Variants in UTP14A observed in about 807,000 individuals in gnomAD.
UTP14A encodes the protein UTP14A small subunit processome component.
A neutral mutation model predicts 57.2 loss-of-function variants in UTP14A; 5 were observed. That is an observed-to-expected ratio of 0.09 (90% confidence interval 0.05 to 0.18). The LOEUF is 0.18. Ranked by LOEUF, UTP14A falls within the 10% of genes least tolerant of loss-of-function variation. UTP14A has a pLI of 1.00. For synonymous variants in UTP14A, 169 were observed against 210.9 expected, an observed-to-expected ratio of 0.80 and a Z score of 1.72; for missense variants, 430 against 562.1, an observed-to-expected ratio of 0.76 and a Z score of 2.38.
At chrX:129,912,378 C>T (rs749951580) in intron 6 of UTP14A, among the ~76,000 whole-genome samples, 6 of 109,684 alleles carry the variant, frequency 5.5e-5, no homozygotes, top group South Asian at 7.8e-4. Context: ...ACCTCAGTCT[C>T]CCAAAAGTTT....
chrX:129,906,295 C>G (rs41311645), intron 1 of UTP14A, 59 bp downstream of exon 1: 235 of 1,113,624 alleles, frequency 2.1e-4, no homozygotes, highest in Middle Eastern at 2.0e-3. Flanking sequence ...GGTTCCCCAG[C>G]TTTTGGGAAA....
chrX:129,915,049 T>TA (rs1370208337), intron 6 of UTP14A, among the ~76,000 whole-genome samples: 1 of 109,964 alleles, frequency 9.1e-6, no homozygotes, highest in Non-Finnish European at 1.9e-5. Context: ...TCGTCTCTAC[T>TA]AAAAAATATT....
chrX:129,906,255 A>G lies in UTP14A; in HGVS notation c.26+19A>G. ...CAGAGAGGTGAAGGGCAACGAGGGG[A>G]GGGGGGATTCTGGGTCTCGTTGGGG... is the stretch of plus-strand genomic sequence containing the variant. On this transcript the variant is annotated intron_variant, in intron 1 of 14. Transcript: ENST00000394422. 1 of 1,188,643 alleles carries G rather than the reference A, an allele frequency of 8.4e-7. No homozygotes were observed. The highest frequency in any genetic ancestry group is 2.2e-5 in the Admixed American group (1 of 44,635).
chrX:129,911,570 AAATAAT>A (rs765265673), intron 5 of UTP14A, among the ~76,000 whole-genome samples, 190 bp from the exon 6 acceptor site: 1 of 111,232 alleles, frequency 9.0e-6, no homozygotes, highest in South Asian at 3.8e-4. Flanking sequence ...AACTCCATCT[AAATAAT>A]AATAATAATC....
chrX:129,916,145 G>A (rs1313814226), intron 6 of UTP14A, among the ~76,000 whole-genome samples: 10 of 109,410 alleles, frequency 9.1e-5, no homozygotes, highest in African/African-American at 3.0e-4. Context: ...TAGTAGAGAC[G>A]GGGTTTCACC....
rs1929819394 is a variant in UTP14A, at chrX:129,919,257, T to C, written c.620T>C (p.Val207Ala). The change falls in exon 7 of 15, where the codon GTG becomes GCG. Residue 207 changes from valine (V) to alanine (A), a missense_variant. By Grantham distance (64) the Val-to-Ala change is moderately conservative. Transcript: ENST00000394422. Reference sequence around the variant, plus strand: ...GTGACAGACCCTTTACTGACCCCTGTGGAAAAGGCCTCTCTCCGAGCCATG... The same window carrying C: ...GTGACAGACCCTTTACTGACCCCTGCGGAAAAGGCCTCTCTCCGAGCCATG... ...QPVTDPLLTP[V>A]EKASLRAMSL... The C allele has an allele frequency of 1.7e-6, 2 of 1,211,393 alleles. No homozygotes were observed.
intron 11 of UTP14A, among the ~76,000 whole-genome samples, chrX:129,924,277 A>C (rs1476783268): frequency 1.2e-4 from 11 of 95,477 alleles, no homozygotes; most frequent in Non-Finnish European, 2.0e-4. Flanking sequence ...AACATCTCAC[A>C]TGCTACTTTT....
At chrX:129,919,045 C>T in intron 6 of UTP14A, 130 bp from the exon 7 acceptor site, 1 of 990,006 alleles carries the variant, frequency 1.0e-6, no homozygotes, top group South Asian at 2.2e-5. Context: ...CCTTCTCTTG[C>T]TGTAACAGCC....
intron 6 of UTP14A, among the ~76,000 whole-genome samples, chrX:129,918,958 C>T (rs999796329): frequency 1.8e-5 from 2 of 111,265 alleles, no homozygotes; most frequent in Non-Finnish European, 3.8e-5. Context: ...GTAGCCTCAG[C>T]GTCTCCCTGC....
At chrX:129,909,354 T>C (rs993433958) in intron 4 of UTP14A, among the ~76,000 whole-genome samples, 5 of 110,093 alleles carry the variant, frequency 4.5e-5, no homozygotes, top group East Asian at 2.9e-4. Context: ...GGACTACAGG[T>C]GCCCGCCACC....
rs1190379035 is a variant in UTP14A, at chrX:129,929,246, A to G, written c.2044-90A>G. 15 of 1,089,154 alleles carry G rather than the reference A, an allele frequency of 1.4e-5. No homozygotes were observed. The Middle Eastern group carries it at 2.0e-3, about 147-fold the overall frequency. The allele number at this position is 1,089,154 out of a possible 1,213,427, so 89.8% of individuals were successfully genotyped here. A position where few individuals can be genotyped will look rare whatever the true frequency, so the allele number is the denominator to read the frequency against. ...GTCATCATGTGGAACCGTGGCCTGT[A>G]CCAAAACAGTACCTGATGAAAGCTG... is the stretch of plus-strand genomic sequence containing the variant. On this transcript the variant is annotated intron_variant, in intron 14 of 14. Coordinates refer to ENST00000394422, the MANE Select transcript of UTP14A (RefSeq NM_006649.4).
At chrX:129,924,756 A>G (rs780775533) in intron 11 of UTP14A, 39 bp from the exon 12 acceptor site, 1 of 1,179,222 alleles carries the variant, frequency 8.5e-7, no homozygotes, top group African/African-American at 1.8e-5. Flanking sequence ...CAACGTACAA[A>G]CCTCATTTTC....
intron 6 of UTP14A, among the ~76,000 whole-genome samples, 190 bp from the exon 7 acceptor site, chrX:129,918,985 A>G (rs758399689): frequency 4.5e-5 from 5 of 112,031 alleles, no homozygotes; most frequent in Non-Finnish European, 7.5e-5. Context: ...TGTCTTATAT[A>G]AGAATCAAAT....
chrX:129,923,382 C>A (rs1004203297), intron 11 of UTP14A, among the ~76,000 whole-genome samples: 2 of 112,527 alleles, frequency 1.8e-5, no homozygotes, highest in Non-Finnish European at 3.8e-5. Flanking sequence ...TTCAAGCAAT[C>A]CTCCTGCCTC....
Position 129,929,548 on chromosome X carries a change from G to A in UTP14A, c.2256G>A (p.Arg752=), listed in dbSNP as rs755146712. ...SSRSDLSVIQ[R]NPKRITTRHK... The stretch of plus-strand genomic sequence containing the variant: ...GGTCGGACCTGTCTGTCATACAGAG[G>A]AATCCAAAACGAATCACCACACGTC... The change falls in exon 15 of 15, where the codon AGG becomes AGA. Residue 752 remains arginine, a synonymous_variant. Coordinates refer to ENST00000394422, the MANE Select transcript of UTP14A (RefSeq NM_006649.4). 5.0e-6 allele frequency: 6 copies of A among 1,211,616 alleles called. No homozygotes were observed. The highest frequency in any genetic ancestry group is 6.7e-6 in the Non-Finnish European group (6 of 895,517).
chrX:129,928,615 G>A (rs1254946054), intron 14 of UTP14A, among the ~76,000 whole-genome samples: 2 of 106,701 alleles, frequency 1.9e-5, no homozygotes, highest in African/African-American at 6.8e-5. Flanking sequence ...TTAGCCGGGC[G>A]TGGTGGTGGG....
At chrX:129,919,016 G>A (rs1929806420) in intron 6 of UTP14A, among the ~76,000 whole-genome samples, 159 bp from the exon 7 acceptor site, 1 of 111,874 alleles carries the variant, frequency 8.9e-6, no homozygotes, top group Admixed American at 9.5e-5. Context: ...TTATACTTCT[G>A]ACAACAAGAC....
chrX:129,918,159 G>A (rs1929758592), intron 6 of UTP14A, among the ~76,000 whole-genome samples: 1 of 110,675 alleles, frequency 9.0e-6, no homozygotes, highest in Non-Finnish European at 1.9e-5. Context: ...GCCAAGGCAG[G>A]AGGATGGCTT....
intron 11 of UTP14A, among the ~76,000 whole-genome samples, chrX:129,924,433 A>G (rs997832375): frequency 1.8e-5 from 2 of 109,196 alleles, no homozygotes; most frequent in Non-Finnish European, 3.8e-5. Flanking sequence ...CTACAGGCAC[A>G]TGCCACCATG....
Sources: gnomAD v4.1 joint callset for allele counts (sites outside exome capture counted in the v4.1 genomes callset) on GRCh38, gnomAD v4.1.1 for gene constraint, MANE v1.5 for transcripts, NCBI Gene and HGNC (gene_info 2026-07-23, HGNC 2026-07-21) for gene names.